TACC3: variants seen among roughly 807,000 people sequenced by gnomAD.
TACC3 encodes the protein transforming acidic coiled-coil containing protein 3.
Under a neutral mutation model 86.0 loss-of-function variants are expected in TACC3, and 52 were observed. That is an observed-to-expected ratio of 0.60 (90% CI 0.48 to 0.76). The LOEUF is 0.76. TACC3 is among the 30% of genes least tolerant of loss of function. TACC3 has a pLI of 0.00. For missense variants in TACC3, 1,120 were observed against 1,070.4 expected (o/e 1.05, Z -0.65); for synonymous variants, 512 against 430.0 (o/e 1.19, Z -2.36).
Position 1,735,422 on chromosome 4 carries a change from C to T in TACC3, c.1644+97C>T, listed in dbSNP as rs1255339198. 2.9e-6 allele frequency: 4 copies of T among 1,385,360 alleles called. No individual in the cohort carries two copies. The highest frequency in any genetic ancestry group is 1.9e-4 in the Middle Eastern group (1 of 5,398). 85.8% of individuals were successfully genotyped at this position (1,385,360 alleles called of 1,614,324 possible). On this transcript the variant is annotated intron_variant, in intron 7 of 15. Transcript: ENST00000313288. The surrounding 1 kb of genome is among the most constrained non-coding windows in gnomAD (Gnocchi z 4.2). Reference sequence around the variant, plus strand: ...CGGAGCGTCCCTTGGTGCCCACGTCCCCCCAGCTGCACACAGGCCCAGGCA... The same window carrying T: ...CGGAGCGTCCCTTGGTGCCCACGTCTCCCCAGCTGCACACAGGCCCAGGCA...
intron 13 of TACC3, among the ~76,000 whole-genome samples, chr4:1,743,994 T>G (rs1718718951): frequency 6.6e-6 from 1 of 152,096 alleles, no homozygotes; most frequent in African/African-American, 2.4e-5. Context: ...GCAGGTAGGC[T>G]GAGCCTTCCC....
At chr4:1,730,491 A>C (rs1365910595) in intron 4 of TACC3, 1 of 373,084 alleles carries the variant, frequency 2.7e-6, no homozygotes, top group Non-Finnish European at 5.3e-6. Context: ...ATACTGGAAC[A>C]GCTTGTGCCC....
At chr4:1,740,094 C>A (rs1003561012) in intron 12 of TACC3, 92 bp downstream of exon 12, 10 of 1,300,710 alleles carry the variant, frequency 7.7e-6, no homozygotes, top group South Asian at 1.2e-5. Flanking sequence ...TAGGACCCCA[C>A]CCTCCTGAGG....
At chr4:1,738,800 GAGTC>G (rs1718415565) in intron 10 of TACC3, among the ~76,000 whole-genome samples, 1 of 152,294 alleles carries the variant, frequency 6.6e-6, no homozygotes, top group East Asian at 1.9e-4. Flanking sequence ...GGCAGGGTAA[GAGTC>G]AGAGTGGTGG....
At chr4:1,740,247 G>C in intron 12 of TACC3, 1 of 584,274 alleles carries the variant, frequency 1.7e-6, no homozygotes, top group Non-Finnish European at 3.0e-6. Context: ...TGCAGATGCT[G>C]AGCTAGCAGT....
intron 1 of TACC3, chr4:1,723,148 C>A: frequency 2.1e-6 from 1 of 476,574 alleles, no homozygotes; most frequent in South Asian, 2.7e-5. Context: ...CTCACCATCT[C>A]AGCCTGAAGG....
intron 4 of TACC3, among the ~76,000 whole-genome samples, chr4:1,729,375 G>A (rs527535550): frequency 2.7e-4 from 41 of 152,190 alleles, no homozygotes; most frequent in African/African-American, 8.4e-4. Context: ...AGCTGGGCCC[G>A]GGGGACCACT....
chr4:1,730,472 A>G (rs1024968841), intron 4 of TACC3: 9 of 351,402 alleles, frequency 2.6e-5, no homozygotes, highest in Admixed American at 2.3e-4. Flanking sequence ...CTTATTCTGT[A>G]TATTTATGAT....
rs746878628 is a variant in TACC3, at chr4:1,728,625, A to T, written c.1223A>T (p.Asp408Val). 18 of 1,613,746 alleles carry T rather than the reference A, an allele frequency of 1.1e-5. No individual in the cohort carries two copies. The highest frequency in any genetic ancestry group is 1.4e-5 in the Non-Finnish European group (17 of 1,180,004). ...CGGGGCTCTTACCACCTCGACTGGG[A>T]CAAAATGGATGACCCAAACTTCATC... ...ASRGSYHLDW[D>V]KMDDPNFIPF... is the part of the protein sequence containing the mutation. The change falls in exon 4 of 16, where the codon GAC (aspartate) becomes GTC (valine). Residue 408 changes from aspartate (D) to valine (V), a missense_variant. Asp to Val is a radical substitution (Grantham distance 152, BLOSUM62 -3). Coordinates refer to ENST00000313288, the MANE Select transcript of TACC3 (RefSeq NM_006342.3).
At chr4:1,727,543 A>G (rs1717748307) in intron 3 of TACC3, among the ~76,000 whole-genome samples, 165 bp from the exon 4 acceptor site, 1 of 152,168 alleles carries the variant, frequency 6.6e-6, no homozygotes, top group African/African-American at 2.4e-5. Context: ...GGAAGGAACT[A>G]CATTGAGGAA....
At chr4:1,726,439 C>T (rs978453804) in intron 3 of TACC3, among the ~76,000 whole-genome samples, 1 of 152,214 alleles carries the variant, frequency 6.6e-6, no homozygotes, top group East Asian at 1.9e-4. Flanking sequence ...TGCTGGCCAT[C>T]CTGGGGCCTG....
chr4:1,735,620 AGTGTGCGGGTGACCG>A lies in TACC3; in HGVS notation c.1645-109_1645-95del. 1 of 846,148 alleles carries A rather than the reference AGTGTGCGGGTGACCG, an allele frequency of 1.2e-6. No individual in the cohort carries two copies. Among genetic ancestry groups the A allele is most frequent in the Non-Finnish European group, 2.0e-6 (1 of 511,156 alleles). The allele number at this position is 846,148 out of a possible 1,614,324, so 52.4% of individuals were successfully genotyped here. On this transcript the variant is annotated intron_variant, in intron 7 of 15. Coordinates refer to ENST00000313288, the MANE Select transcript of TACC3 (RefSeq NM_006342.3). The surrounding 1 kb of genome is among the most constrained non-coding windows in gnomAD (Gnocchi z 4.2). ...AGGGTTGTGGGTGACCGGGGGTGGGAGTGTGCGGGTGACCGGGGGTGGGAGTGTGCAGGTGACCTC... is the reference window on the plus strand; with the variant it reads ...AGGGTTGTGGGTGACCGGGGGTGGGAGGGGTGGGAGTGTGCAGGTGACCTC...
Position 1,740,822 on chromosome 4 carries a change from C to T in TACC3, c.2063-4C>T, listed in dbSNP as rs1049733754. 9.4e-6 allele frequency: 15 copies of T among 1,603,224 alleles called. No individual in the cohort carries two copies. The highest frequency in any genetic ancestry group is 1.7e-4 in the Middle Eastern group (1 of 6,006). On this transcript the variant is annotated splice_polypyrimidine_tract_variant and splice_region_variant and intron_variant, in intron 12 of 15. Transcript: ENST00000313288. Reference sequence around the variant, plus strand: ...TCCTGAACGTTTGCTTTTCTTTTCTCAAGAGGAAGTTCAGAAGCAGAAGGA... The same window carrying T: ...TCCTGAACGTTTGCTTTTCTTTTCTTAAGAGGAAGTTCAGAAGCAGAAGGA...
Position 1,723,495 on chromosome 4 carries a change from C to T in TACC3, c.74C>T (p.Ser25Leu), listed in dbSNP as rs781449365. The T allele has an allele frequency of 1.5e-5, 24 of 1,613,680 alleles. No individual in the cohort carries two copies. Among genetic ancestry groups the T allele is most frequent in the African/African-American group, 1.2e-4 (9 of 74,936 alleles). ...ACAGAAAATTGCGACTTCCTGTTTTCGCCACCAGAAGTTACCGGAAGATCG... is the reference window on the plus strand; with the variant it reads ...ACAGAAAATTGCGACTTCCTGTTTTTGCCACCAGAAGTTACCGGAAGATCG... ...KNTENCDFLFSPPEVTGRSSV... is the reference protein window; with the variant it reads ...KNTENCDFLFLPPEVTGRSSV... Residue 25 changes from serine to leucine, a missense_variant, in exon 2 of 16, where the codon TCG (serine) becomes TTG (leucine). Transcript: ENST00000313288.
At chr4:1,727,678 G>A in intron 3 of TACC3, 30 bp from the exon 4 acceptor site, 1 of 1,546,232 alleles carries the variant, frequency 6.5e-7, no homozygotes, top group Non-Finnish European at 8.7e-7. Context: ...GGTACTCGCT[G>A]CTTCACGTTG....
At position 1,744,588 on chromosome 4, in the gene TACC3, A is replaced by G. The variant is rs1454329200; in HGVS notation, c.2294A>G (p.Gln765Arg). 4 of 1,613,266 alleles carry G rather than the reference A, an allele frequency of 2.5e-6. No homozygotes were observed. The highest frequency in any genetic ancestry group is 3.4e-6 in the Non-Finnish European group (4 of 1,180,002). ...ARITQEGQRY[Q>R]ALKAHAEEKL... ...ATCACCCAGGAGGGCCAGAGGTACC[A>G]AGCCCTGAAGGCCCACGCGGAGGAG... The change falls in exon 14 of 16, where the codon CAA (glutamine) becomes CGA (arginine). Residue 765 changes from glutamine (Q) to arginine (R), a missense_variant. By Grantham distance (43) the Gln-to-Arg change is conservative. Coordinates refer to ENST00000313288, the MANE Select transcript of TACC3 (RefSeq NM_006342.3).
chr4:1,740,572 G>A (rs770974654), intron 12 of TACC3: 1 of 435,842 alleles, frequency 2.3e-6, no homozygotes, highest in Non-Finnish European at 4.1e-6. Context: ...GGTGTTGGGC[G>A]CCGCCTCTTC....
intron 4 of TACC3, among the ~76,000 whole-genome samples, chr4:1,729,890 C>G (rs1374377769): frequency 6.6e-6 from 1 of 152,194 alleles, no homozygotes; most frequent in Non-Finnish European, 1.5e-5. Flanking sequence ...GGTGCCTTCC[C>G]AAGTGCTGGT....
intron 3 of TACC3, among the ~76,000 whole-genome samples, chr4:1,727,216 TTCTC>T (rs1330835220): frequency 6.6e-6 from 1 of 152,066 alleles, no homozygotes; most frequent in Non-Finnish European, 1.5e-5. Context: ...CCAGGCTTCT[TTCTC>T]TGGCATCAGC....
Sources: gnomAD v4.1 joint callset for allele counts (sites outside exome capture counted in the v4.1 genomes callset) on GRCh38, gnomAD v4.1.1 for gene constraint, Gnocchi (gnomAD v3.1) non-coding constraint, MANE v1.5 for transcripts, NCBI Gene and HGNC (gene_info 2026-07-23, HGNC 2026-07-21) for gene names.